ZNF326: variants seen among roughly 807,000 people sequenced by gnomAD.
ZNF326 encodes the protein zinc finger protein 326, also known as DBIRD complex subunit ZNF326.
In ZNF326, 30 loss-of-function variants were observed where a neutral mutation model predicts 63.1. The ratio of observed to expected loss-of-function variants is 0.48; its 90% CI spans 0.36 to 0.64. The LOEUF is 0.64. Ranked by LOEUF, ZNF326 falls within the 30% of genes least tolerant of loss-of-function variation. ZNF326 has a pLI of 0.00. For missense variants in ZNF326, 609 were observed against 720.3 expected (o/e 0.85, Z 1.77); for synonymous variants, 194 against 228.2 (o/e 0.85, Z 1.35).
chr1:90,016,367 A>G (rs1276942092), intron 7 of ZNF326, among the ~76,000 whole-genome samples: 1 of 152,202 alleles, frequency 6.6e-6, no homozygotes, highest in Non-Finnish European at 1.5e-5. Flanking sequence ...GACTGGAGAC[A>G]GAAACCAGTT....
Position 90,028,427 on chromosome 1 carries a change from A to G in ZNF326, c.*726A>G, listed in dbSNP as rs1352965857. 1 of 152,230 alleles carries G rather than the reference A, an allele frequency of 6.6e-6. No homozygotes were observed. Among genetic ancestry groups the G allele is most frequent in the Admixed American group, 6.5e-5 (1 of 15,282 alleles). 9.4% of individuals were successfully genotyped at this position (152,230 alleles called of 1,614,324 possible). A position where few individuals can be genotyped will look rare whatever the true frequency, so the allele number is the denominator to read the frequency against. On this transcript the variant is annotated 3_prime_UTR_variant, in exon 12 of 12. Coordinates refer to ENST00000340281, the MANE Select transcript of ZNF326 (RefSeq NM_182976.4). ...ATTGTTTTTAAAACACATTTCAAATAGAAGTGAGTTTGAACTGACCTTATT... is the reference window on the plus strand; with the variant it reads ...ATTGTTTTTAAAACACATTTCAAATGGAAGTGAGTTTGAACTGACCTTATT...
intron 7 of ZNF326, among the ~76,000 whole-genome samples, chr1:90,016,235 G>GT (rs1649497093): frequency 6.6e-6 from 1 of 151,994 alleles, no homozygotes; most frequent in Non-Finnish European, 1.5e-5. Flanking sequence ...ACCAAGTCAA[G>GT]TAACTTGCCC....
chr1:90,024,069 G>A (rs1329183361), intron 11 of ZNF326, among the ~76,000 whole-genome samples: 1 of 152,152 alleles, frequency 6.6e-6, no homozygotes, highest in Non-Finnish European at 1.5e-5. Context: ...CCTTTATTCA[G>A]CATGCCTGTC....
At chr1:89,997,689 A>C (rs1648458695) in intron 1 of ZNF326, among the ~76,000 whole-genome samples, 2 of 152,226 alleles carry the variant, frequency 1.3e-5, no homozygotes, top group African/African-American at 2.4e-5. Context: ...GAAATCTTTA[A>C]AGAGCAAATT....
chr1:90,008,072 G>C (rs1163394249), intron 5 of ZNF326, among the ~76,000 whole-genome samples: 4 of 152,128 alleles, frequency 2.6e-5, no homozygotes, highest in African/African-American at 9.7e-5. Context: ...AATAGTTTGT[G>C]GATTATTGTG....
At chr1:90,006,371 CT>C (rs1648988227) in intron 4 of ZNF326, 2 of 982,208 alleles carry the variant, frequency 2.0e-6, no homozygotes, top group African/African-American at 3.5e-5. Flanking sequence ...TGTGCATAAG[CT>C]ATATCCGTAG....
At chr1:90,013,309 T>C (rs1557523176) in intron 7 of ZNF326, 72 bp downstream of exon 7, 10 of 1,177,078 alleles carry the variant, frequency 8.5e-6, no homozygotes, top group Non-Finnish European at 1.2e-5. Context: ...ACATCAATTG[T>C]AATATTAAAA....
At position 90,029,315 on chromosome 1, in the gene ZNF326, C is replaced by A. The variant is rs1156907597; in HGVS notation, c.*1614C>A. 1 of 150,258 alleles carries A rather than the reference C, an allele frequency of 6.7e-6. No individual in the cohort carries two copies. 9.3% of individuals were successfully genotyped at this position (150,258 alleles called of 1,614,324 possible). ...TTTTTTTTGAGGTGAACTAGGTTTGCCTAGCTTTAAGCTAGCAATATCTGA... is the reference window on the plus strand; with the variant it reads ...TTTTTTTTGAGGTGAACTAGGTTTGACTAGCTTTAAGCTAGCAATATCTGA... On this transcript the variant is annotated 3_prime_UTR_variant, in exon 12 of 12. Coordinates refer to ENST00000340281, the MANE Select transcript of ZNF326 (RefSeq NM_182976.4).
chr1:89,995,529 C>T lies in ZNF326; in HGVS notation c.16+256C>T, dbSNP rs375509362. On this transcript the variant is annotated intron_variant, in intron 1 of 11. Transcript: ENST00000340281. The stretch of plus-strand genomic sequence containing the variant: ...TAGGACGCGCCTAGAGCGCGAGAGC[C>T]TCCGGGCTGGAGCCCCAGACTCGCC... Among the ~76,000 whole-genome samples the T allele has an allele frequency of 2.6e-4, 39 of 152,388 alleles. 1 individual carries two copies. The highest frequency in any genetic ancestry group is 7.2e-4 in the Admixed American group (11 of 15,312).
At position 90,033,363 on chromosome 1, in the gene ZNF326, A is replaced by G. The variant is rs960772446; in HGVS notation, c.*5662A>G. On this transcript the variant is annotated 3_prime_UTR_variant, in exon 12 of 12. Coordinates refer to ENST00000340281, the MANE Select transcript of ZNF326 (RefSeq NM_182976.4). ...AACATGAAAAATACACAGCAAACTT[A>G]ACAAGCAGAAAGAATTCCTGGGGAA... 1 of 150,466 alleles carries G rather than the reference A, an allele frequency of 6.6e-6. No individual in the cohort carries two copies. The highest frequency in any genetic ancestry group is 2.5e-5 in the African/African-American group (1 of 39,840). 9.3% of individuals were successfully genotyped at this position (150,466 alleles called of 1,614,324 possible). A position where few individuals can be genotyped will look rare whatever the true frequency, so the allele number is the denominator to read the frequency against.
At chr1:90,004,281 G>A (rs1056833928) in intron 2 of ZNF326, among the ~76,000 whole-genome samples, 2 of 151,876 alleles carry the variant, frequency 1.3e-5, no homozygotes, top group Admixed American at 1.3e-4. Flanking sequence ...CTCAATCTGT[G>A]ATTTTACTTT....
Position 89,995,205 on chromosome 1 carries a change from C to T in ZNF326, c.-53C>T, listed in dbSNP as rs1648281828. On this transcript the variant is annotated 5_prime_UTR_variant, in exon 1 of 12. Coordinates refer to ENST00000340281, the MANE Select transcript of ZNF326 (RefSeq NM_182976.4). ...AATCGCGGGTCGCGGACGCTCGCCG[C>T]CGGCCATAGCTCAGCCTAGCGCCGC... is the stretch of plus-strand genomic sequence containing the variant. 1.3e-6 allele frequency: 2 copies of T among 1,527,506 alleles called. No individual in the cohort carries two copies. The highest frequency in any genetic ancestry group is 1.4e-5 in the African/African-American group (1 of 69,896). 94.6% of individuals were successfully genotyped at this position (1,527,506 alleles called of 1,614,324 possible). A position where few individuals can be genotyped will look rare whatever the true frequency, so the allele number is the denominator to read the frequency against.
At chr1:90,022,447 A>C in intron 11 of ZNF326, 102 bp downstream of exon 11, 1 of 829,926 alleles carries the variant, frequency 1.2e-6, no homozygotes, top group East Asian at 2.6e-5. Context: ...AGTATAACAT[A>C]TTAAGAAGAA....
chr1:90,001,196 C>T (rs1386407765), intron 2 of ZNF326, among the ~76,000 whole-genome samples: 1 of 152,076 alleles, frequency 6.6e-6, no homozygotes, highest in Admixed American at 6.5e-5. Flanking sequence ...TCAGACATTG[C>T]CAATGTCCCC....
chr1:90,021,833 A>G (rs1012599429), intron 10 of ZNF326, among the ~76,000 whole-genome samples: 2 of 152,082 alleles, frequency 1.3e-5, no homozygotes, highest in African/African-American at 4.8e-5. Context: ...GCAATTTTCT[A>G]TACTGGTAAC....
intron 7 of ZNF326, among the ~76,000 whole-genome samples, chr1:90,016,716 CAAAAAAA>C (rs112795830): frequency 4.8e-5 from 5 of 104,794 alleles, no homozygotes; most frequent in African/African-American, 1.8e-4. Flanking sequence ...GGCTCCATCT[CAAAAAAA>C]AAAAAGAAAA....
chr1:90,022,738 T>TG (rs1465321524), intron 11 of ZNF326, among the ~76,000 whole-genome samples: 4 of 152,190 alleles, frequency 2.6e-5, no homozygotes, highest in Non-Finnish European at 5.9e-5. Flanking sequence ...CCAGCCCAGA[T>TG]GGACAGCAAC....
intron 10 of ZNF326, among the ~76,000 whole-genome samples, chr1:90,021,643 T>G (rs1649779011): frequency 6.6e-6 from 1 of 152,114 alleles, no homozygotes; most frequent in South Asian, 2.1e-4. Context: ...AAAAGCATAT[T>G]TAAAGATTCA....
intron 2 of ZNF326, among the ~76,000 whole-genome samples, chr1:90,001,561 T>TA (rs1648681365): frequency 6.6e-6 from 1 of 151,304 alleles, no homozygotes; most frequent in Non-Finnish European, 1.5e-5. Flanking sequence ...TTTAATTTTT[T>TA]TTTTTTTTTG....
Sources: gnomAD v4.1 joint callset for allele counts (sites outside exome capture counted in the v4.1 genomes callset) on GRCh38, gnomAD v4.1.1 for gene constraint, MANE v1.5 for transcripts, NCBI Gene and HGNC (gene_info 2026-07-23, HGNC 2026-07-21) for gene names.